PCDH9: variants seen among roughly 807,000 people sequenced by gnomAD.
The protein encoded by PCDH9 is protocadherin-9.
A neutral mutation model predicts 70.6 loss-of-function variants in PCDH9; 24 were observed. The observed-to-expected ratio is 0.34, with a 90% confidence interval of 0.25 to 0.48. PCDH9 has a LOEUF of 0.48. Ranked by LOEUF, PCDH9 falls within the 20% of genes least tolerant of loss-of-function variation. The pLI, the probability that PCDH9 is intolerant of heterozygous loss-of-function variation, is 0.99. For synonymous variants in PCDH9, 562 were observed against 558.5 expected, an observed-to-expected ratio of 1.01 and a Z score of -0.09; for missense variants, 1,281 against 1,503.6, an observed-to-expected ratio of 0.85 and a Z score of 2.45.
intron 3 of PCDH9, among the ~76,000 whole-genome samples, chr13:66,634,695 AAGT>A (rs2077615077): frequency 6.6e-6 from 1 of 152,196 alleles, no homozygotes; most frequent in African/African-American, 2.4e-5. Flanking sequence ...AGTCAATAAA[AAGT>A]AGCTATAATT....
In PCDH9 at chr13:66,303,189, G is replaced by C. The variant is rs1231299488; in HGVS notation, c.*1466C>G. On this transcript the variant is annotated 3_prime_UTR_variant, in exon 5 of 5. Transcript: ENST00000377865. Reference sequence around the variant, plus strand: ...GATAACTTCCACTTCTTTCAATAAAGACATTTTGTTGCATGCTATTTATTT... The same window carrying C: ...GATAACTTCCACTTCTTTCAATAAACACATTTTGTTGCATGCTATTTATTT... 1 of 150,816 alleles carries C rather than the reference G, an allele frequency of 6.6e-6. No individual in the cohort carries two copies. The highest frequency in any genetic ancestry group is 1.5e-5 in the Non-Finnish European group (1 of 67,688). The allele number at this position is 150,816 out of a possible 1,614,324, so 9.3% of individuals were successfully genotyped here. A position where few individuals can be genotyped will look rare whatever the true frequency, so the allele number is the denominator to read the frequency against.
At chr13:66,445,149 T>C (rs958966505) in intron 4 of PCDH9, among the ~76,000 whole-genome samples, 2 of 147,210 alleles carry the variant, frequency 1.4e-5, no homozygotes, top group East Asian at 3.9e-4. Context: ...ATTACATATA[T>C]TATTTTACTA....
intron 2 of PCDH9, chr13:67,214,900 G>A (rs2089553918): frequency 8.0e-6 from 1 of 124,526 alleles, no homozygotes; most frequent in Non-Finnish European, 1.7e-5. Flanking sequence ...AGAAAAACAG[G>A]TAACATTTTC....
At chr13:66,782,944 C>G (rs1194709927) in intron 3 of PCDH9, 1 of 152,180 alleles carries the variant, frequency 6.6e-6, no homozygotes, top group Non-Finnish European at 1.5e-5. Context: ...AACAATTTCA[C>G]ATTTATGTGT....
chr13:66,876,412 A>T (rs559599775), intron 3 of PCDH9, among the ~76,000 whole-genome samples: 1 of 152,238 alleles, frequency 6.6e-6, no homozygotes, highest in East Asian at 1.9e-4. Flanking sequence ...AAAATACAAA[A>T]CATCATGTTT....
rs978427086 is a variant in PCDH9 at position 66,303,114 on chromosome 13, T to G, written c.*1541A>C. ...CAAACCTTTTTTTTAAATTTTTTGTTTTTTTTTTGTTTTTTTTACTTTTAA... is the reference window on the plus strand; with the variant it reads ...CAAACCTTTTTTTTAAATTTTTTGTGTTTTTTTTGTTTTTTTTACTTTTAA... On this transcript the variant is annotated 3_prime_UTR_variant, in exon 5 of 5. Coordinates refer to ENST00000377865, the MANE Select transcript of PCDH9 (RefSeq NM_203487.3). The G allele has an allele frequency of 3.3e-5, 5 of 151,500 alleles. No homozygotes were observed. The highest frequency in any genetic ancestry group is 6.6e-5 in the Admixed American group (1 of 15,090). 9.4% of individuals were successfully genotyped at this position (151,500 alleles called of 1,614,324 possible). A position where few individuals can be genotyped will look rare whatever the true frequency, so the allele number is the denominator to read the frequency against.
chr13:67,078,055 GAA>G (rs2085912789), intron 2 of PCDH9, among the ~76,000 whole-genome samples: 1 of 152,068 alleles, frequency 6.6e-6, no homozygotes, highest in Non-Finnish European at 1.5e-5. Flanking sequence ...CCAGCCAAAG[GAA>G]ACTACTTGGC....
intron 4 of PCDH9, among the ~76,000 whole-genome samples, chr13:66,560,192 G>A (rs1961949078): frequency 6.6e-6 from 1 of 151,964 alleles, no homozygotes; most frequent in Non-Finnish European, 1.5e-5. Context: ...TTATCGCCTG[G>A]TATGGGAATA....
rs929283993 is a variant in PCDH9 at position 66,603,042 on chromosome 13, G to A, written c.3340+28168C>T. Among the ~76,000 whole-genome samples, 4 of 145,950 alleles carry A rather than the reference G, an allele frequency of 2.7e-5. No homozygotes were observed. The South Asian group carries it at 8.8e-4, about 32-fold the overall frequency. On this transcript the variant is annotated intron_variant, in intron 4 of 4. Transcript: ENST00000377865. ...GGTTTGTGTAAGTACCCTCTTTGAT[G>A]TTCAAACTATGACCAAAATCATCTA... is the stretch of plus-strand genomic sequence containing the variant.
intron 3 of PCDH9, among the ~76,000 whole-genome samples, chr13:66,852,941 G>A (rs915339649): frequency 6.7e-6 from 1 of 149,702 alleles, no homozygotes; most frequent in African/African-American, 2.5e-5. Flanking sequence ...TATTTACACT[G>A]AAATTTGAGA....
rs1389055642 is a variant in PCDH9 at position 67,134,250 on chromosome 13, A to G, written c.3036+91155T>C. 4.6e-5 allele frequency among the ~76,000 whole-genome samples: 7 copies of G among 152,124 alleles called. No individual in the cohort carries two copies. The East Asian group carries it at 1.2e-3, about 25-fold the overall frequency. On this transcript the variant is annotated intron_variant, in intron 2 of 4. Transcript: ENST00000377865. ...TTCAATATAGTAAAGATCAGGACTC[A>G]GGACAATTTAAAATTCAAAACACTC...
chr13:66,311,098 G>T (rs965570284), intron 4 of PCDH9, among the ~76,000 whole-genome samples: 3 of 152,000 alleles, frequency 2.0e-5, no homozygotes, highest in African/African-American at 4.8e-5. Context: ...ATGTTTTAAA[G>T]AAATTTCCTT....
At chr13:66,691,436 T>C (rs1223799418) in intron 3 of PCDH9, among the ~76,000 whole-genome samples, 1 of 152,200 alleles carries the variant, frequency 6.6e-6, no homozygotes, top group Non-Finnish European at 1.5e-5. Flanking sequence ...ACTTAAAGTA[T>C]GCTAATAAAC....
intron 2 of PCDH9, chr13:67,214,972 A>ATT (rs1267116624): frequency 4.0e-5 from 5 of 124,378 alleles, no homozygotes; most frequent in African/African-American, 1.4e-4. Flanking sequence ...ATATATATAT[A>ATT]TTCACTTAAT....
intron 3 of PCDH9, among the ~76,000 whole-genome samples, chr13:66,700,923 A>AATATATATATATATATATAT (rs58852431): frequency 1.7e-5 from 1 of 58,434 alleles, no homozygotes; most frequent in African/African-American, 6.4e-5. Context: ...TGTACATATA[A>AATATATATATATATATATAT]ATATATATAT....
At chr13:66,759,850 A>AT (rs765042959) in intron 3 of PCDH9, among the ~76,000 whole-genome samples, 8 of 152,140 alleles carry the variant, frequency 5.3e-5, no homozygotes, top group Non-Finnish European at 1.5e-5. Flanking sequence ...TTATCTTTAA[A>AT]TCTTCATACT....
intron 2 of PCDH9, among the ~76,000 whole-genome samples, chr13:67,026,555 T>C (rs1226291516): frequency 2.6e-5 from 4 of 152,058 alleles, no homozygotes; most frequent in Non-Finnish European, 5.9e-5. Flanking sequence ...TGTTGGAAGT[T>C]CTGGCCAGGG....
chr13:66,587,573 G>C (rs2076980035), intron 4 of PCDH9, among the ~76,000 whole-genome samples: 1 of 152,002 alleles, frequency 6.6e-6, no homozygotes, highest in Non-Finnish European at 1.5e-5. Flanking sequence ...ATCAATGTCT[G>C]TTTTCAGAGC....
intron 4 of PCDH9, among the ~76,000 whole-genome samples, chr13:66,619,332 T>C (rs1317256913): frequency 2.0e-5 from 3 of 152,128 alleles, no homozygotes; most frequent in Non-Finnish European, 4.4e-5. Flanking sequence ...TATTAGTCTT[T>C]AGAAAATGGG....
Sources: gnomAD v4.1 joint callset for allele counts (sites outside exome capture counted in the v4.1 genomes callset) on GRCh38, gnomAD v4.1.1 for gene constraint, MANE v1.5 for transcripts, NCBI Gene and HGNC (gene_info 2026-07-23, HGNC 2026-07-21) for gene names.